EIF2B5: variants seen among roughly 807,000 people sequenced by gnomAD.
EIF2B5 encodes the protein eukaryotic translation initiation factor 2B subunit epsilon, also known as translation initiation factor eIF2B subunit epsilon.
EIF2B5 carries 38 observed loss-of-function variants against 87.3 expected under a neutral mutation model. The observed-to-expected ratio is 0.44, with a 90% CI of 0.34 to 0.57. EIF2B5 has a LOEUF of 0.57. Ranked by LOEUF, EIF2B5 falls within the 20% of genes least tolerant of loss-of-function variation. The pLI, the probability that EIF2B5 is intolerant of heterozygous loss-of-function variation, is 0.02. For synonymous variants in EIF2B5, 313 were observed against 339.6 expected (o/e 0.92, Z 0.86); for missense variants, 784 against 909.5 (o/e 0.86, Z 1.78).
Position 184,144,094 on chromosome 3 carries a change from C to A in EIF2B5, c.1870-5C>A, listed in dbSNP as rs144864475. On this transcript the variant is annotated splice_region_variant and splice_polypyrimidine_tract_variant and intron_variant, in intron 13 of 15. Transcript: ENST00000648915. ...TATACTGCAGCTCCCTTCTTTCTTC[C>A]ATAGCTGCTAAAGGCCTGGAGCCCT... 1.7e-4 allele frequency: 273 copies of A among 1,614,212 alleles called. No individual in the cohort carries two copies. The African/African-American group carries it at 3.4e-3, about 20-fold the overall frequency.
At chr3:184,139,022 T>A (rs1449843404) in intron 5 of EIF2B5, 1 of 204,432 alleles carries the variant, frequency 4.9e-6, no homozygotes, top group Non-Finnish European at 1.0e-5. Flanking sequence ...CAGGCTGGAG[T>A]GCAGTGGCAT....
At chr3:184,140,924 T>C (rs1713607276) in intron 7 of EIF2B5, 194 bp downstream of exon 7, 1 of 647,054 alleles carries the variant, frequency 1.5e-6, no homozygotes, top group South Asian at 1.9e-5. Context: ...TGTGGGCCTC[T>C]CATTGGATGA....
chr3:184,145,075 A>ACTACAGTAT lies in EIF2B5; in HGVS notation c.*133_*141dup. The ACTACAGTAT allele has an allele frequency of 3.6e-6, 3 of 825,852 alleles. No homozygotes were observed. The highest frequency in any genetic ancestry group is 6.1e-6 in the Non-Finnish European group (3 of 495,046). 51.2% of individuals were successfully genotyped at this position (825,852 alleles called of 1,614,324 possible). On this transcript the variant is annotated 3_prime_UTR_variant, in exon 16 of 16. Coordinates refer to ENST00000648915, the MANE Select transcript of EIF2B5 (RefSeq NM_003907.3). This position sits in a 1 kb window ranked among gnomAD's most constrained non-coding sequence, Gnocchi z 4.0. ...GAGACTGAAAGGAGCAGAGGCTGGA[A>ACTACAGTAT]CTACAGTATTCTTTCCCCTGCTAGC...
In EIF2B5 at chr3:184,143,553, C is replaced by G. The variant is rs1258086974; in HGVS notation, c.1857C>G (p.Ala619=). 1 of 1,614,188 alleles carries G rather than the reference C, an allele frequency of 6.2e-7. No homozygotes were observed. Among genetic ancestry groups the G allele is most frequent in the East Asian group, 2.2e-5 (1 of 44,884 alleles). ...CGCTTGACTCAAGCCGCTACTGTGC[C>G]CTGCTGCTTCCTGTGAGCAAAGATT... ...DSPLDSSRYC[A]LLLPLLKAWS... is the part of the protein sequence containing the mutation. Residue 619 remains alanine (A), a synonymous_variant, in exon 13 of 16, where the codon GCC becomes GCG. Coordinates refer to ENST00000648915, the MANE Select transcript of EIF2B5 (RefSeq NM_003907.3).
rs199920839 is a variant in EIF2B5 at position 184,137,906 on chromosome 3, G to A, written c.515G>A (p.Arg172Gln). 5.5e-5 allele frequency: 88 copies of A among 1,614,110 alleles called. No homozygotes were observed. Among genetic ancestry groups the A allele is most frequent in the Non-Finnish European group, 6.7e-5 (79 of 1,180,028 alleles). The change falls in exon 4 of 16, where the codon CGG becomes CAG. Residue 172 changes from arginine to glutamine, a missense_variant. By Grantham distance (43) the Arg-to-Gln change is conservative. Around this residue, in one of 3 missense-constraint regions of EIF2B5, gnomAD observed 660 missense variants for 789.5 expected, o/e 0.84. Coordinates refer to ENST00000648915, the MANE Select transcript of EIF2B5 (RefSeq NM_003907.3). Reference protein sequence around the residue: ...TRALEEHRLRRKLEKNVSVMT... With the variant: ...TRALEEHRLRQKLEKNVSVMT... ...CCTCCTGTCCTTTATAGGTTGAGAC[G>A]GAAGCTAGAAAAAAATGTTTCTGTG...
In EIF2B5 at chr3:184,145,064, C is replaced by T; in HGVS notation, c.*121C>T. On this transcript the variant is annotated 3_prime_UTR_variant, in exon 16 of 16. Coordinates refer to ENST00000648915, the MANE Select transcript of EIF2B5 (RefSeq NM_003907.3). The surrounding 1 kb of genome is among the most constrained non-coding windows in gnomAD (Gnocchi z 4.0). ...CCATCCAGGCTGAGACTGAAAGGAG[C>T]AGAGGCTGGAACTACAGTATTCTTT... is the stretch of plus-strand genomic sequence containing the variant. 1.1e-6 allele frequency: 1 copy of T among 901,380 alleles called. No individual in the cohort carries two copies. The highest frequency in any genetic ancestry group is 1.4e-5 in the South Asian group (1 of 72,220). The allele number at this position is 901,380 out of a possible 1,614,324, so 55.8% of individuals were successfully genotyped here.
At position 184,142,506 on chromosome 3, in the gene EIF2B5, C is replaced by T. The variant is rs1345197891; in HGVS notation, c.1449C>T (p.Tyr483=). 33 of 1,613,972 alleles carry T rather than the reference C, an allele frequency of 2.0e-5. No individual in the cohort carries two copies. Among genetic ancestry groups the T allele is most frequent in the Non-Finnish European group, 2.5e-5 (30 of 1,180,032 alleles). The change falls in exon 10 of 16, where the codon TAC becomes TAT. Residue 483 remains tyrosine, a synonymous_variant. Coordinates refer to ENST00000648915, the MANE Select transcript of EIF2B5 (RefSeq NM_003907.3). The surrounding 1 kb of genome is among the most constrained non-coding windows in gnomAD (Gnocchi z 5.0). ...QEKDKVKMKG[Y]NPAEVGAAGK... The stretch of plus-strand genomic sequence containing the variant: ...ATAGATCATTGCCTTTTCCAGGTTA[C>T]AATCCAGCAGAAGTAGGAGCTGCTG...
rs747305325 is a variant in EIF2B5, at chr3:184,136,729, C to T, written c.313C>T (p.His105Tyr). ...CTGGAAAGCTGCTCAAATCAAAGAA[C>T]ATTTACTGTAAGGCCCTGCAACTTT... ...CCWKAAQIKEHLLKSKWCRPT... is the reference protein window; with the variant it reads ...CCWKAAQIKEYLLKSKWCRPT... Residue 105 changes from histidine to tyrosine, a missense_variant, in exon 2 of 16, where the codon CAT (histidine) becomes TAT (tyrosine). This residue lies in a region of EIF2B5 where 660 missense variants were observed against 789.5 expected (regional missense o/e 0.84). Transcript: ENST00000648915. The T allele has an allele frequency of 1.9e-6, 3 of 1,614,162 alleles. No individual in the cohort carries two copies. The highest frequency in any genetic ancestry group is 3.3e-5 in the Admixed American group (2 of 60,018).
Position 184,137,822 on chromosome 3 carries a change from G to A in EIF2B5, c.506+17G>A. 1 of 1,614,210 alleles carries A rather than the reference G, an allele frequency of 6.2e-7. No individual in the cohort carries two copies. Among genetic ancestry groups the A allele is most frequent in the Non-Finnish European group, 8.5e-7 (1 of 1,180,050 alleles). On this transcript the variant is annotated intron_variant, in intron 3 of 15. Transcript: ENST00000648915. ...GGAACACAGGTCAGGATGGGAAAAT[G>A]ACAGGAACAAGGGTTAAAGACCAGC...
At chr3:184,138,305 T>C (rs1713457988) in intron 5 of EIF2B5, 59 bp downstream of exon 5, 5 of 1,472,866 alleles carry the variant, frequency 3.4e-6, no homozygotes, top group African/African-American at 1.4e-5. Context: ...GGGTCTGTTA[T>C]TGTCCCCTTA....
chr3:184,136,517 T>G, intron 1 of EIF2B5, 95 bp from the exon 2 acceptor site: 1 of 1,505,464 alleles, frequency 6.6e-7, no homozygotes, highest in Admixed American at 1.7e-5. Context: ...AAAATTACAC[T>G]GTTTGGAAAT....
At position 184,144,987 on chromosome 3, in the gene EIF2B5, G is replaced by A. The variant is rs776997962; in HGVS notation, c.*44G>A. 4 of 1,590,308 alleles carry A rather than the reference G, an allele frequency of 2.5e-6. No individual in the cohort carries two copies. The highest frequency in any genetic ancestry group is 3.4e-6 in the Non-Finnish European group (4 of 1,160,944). On this transcript the variant is annotated 3_prime_UTR_variant, in exon 16 of 16. Coordinates refer to ENST00000648915, the MANE Select transcript of EIF2B5 (RefSeq NM_003907.3). ...TTTGGGTGTGATTGAGTGCCCTCCT[G>A]GCTCCTGGGCTGGGACAAGTGAGGA...
At chr3:184,141,409 T>A (rs1041446984) in intron 7 of EIF2B5, among the ~76,000 whole-genome samples, 5 of 151,962 alleles carry the variant, frequency 3.3e-5, no homozygotes, top group African/African-American at 1.2e-4. Context: ...TCTCCACAAA[T>A]GATACAAAAA....
rs1408271015 is a variant in EIF2B5, at chr3:184,142,213, G to T, written c.1303-24G>T. The T allele has an allele frequency of 2.5e-6, 4 of 1,614,056 alleles. No homozygotes were observed. Among genetic ancestry groups the T allele is most frequent in the East Asian group, 2.2e-5 (1 of 44,888 alleles). The stretch of plus-strand genomic sequence containing the variant: ...TGCACTTTTCCTCCACACCCTAATG[G>T]TTCTGTGTTTTTTTTCCCCTTAGGT... On this transcript the variant is annotated intron_variant, in intron 8 of 15. Transcript: ENST00000648915. This position sits in a 1 kb window ranked among gnomAD's most constrained non-coding sequence, Gnocchi z 5.0.
At position 184,141,993 on chromosome 3, in the gene EIF2B5, C is replaced by G. The variant is rs1446149838; in HGVS notation, c.1225C>G (p.His409Asp). The change falls in exon 8 of 16, where the codon CAT becomes GAT. Residue 409 changes from histidine (H) to aspartate (D), a missense_variant. Coordinates refer to ENST00000648915, the MANE Select transcript of EIF2B5 (RefSeq NM_003907.3). ...TCGAGTGGCGGCTGGAGCACAGATC[C>G]ATCAGTCTCTGCTTTGTGACAATGC... ...GVRVAAGAQI[H>D]QSLLCDNAEV... is the part of the protein sequence containing the mutation. 1 of 1,613,998 alleles carries G rather than the reference C, an allele frequency of 6.2e-7. No individual in the cohort carries two copies. The highest frequency in any genetic ancestry group is 8.5e-7 in the Non-Finnish European group (1 of 1,180,032).
chr3:184,140,499 G>C lies in EIF2B5; in HGVS notation c.925G>C (p.Val309Leu), dbSNP rs113994061. 3.7e-6 allele frequency: 6 copies of C among 1,614,012 alleles called. No individual in the cohort carries two copies. Among genetic ancestry groups the C allele is most frequent in the Non-Finnish European group, 5.1e-6 (6 of 1,180,038 alleles). The change falls in exon 7 of 16, where the codon GTC becomes CTC. Residue 309 changes from valine (V) to leucine (L), a missense_variant. By Grantham distance (32) the Val-to-Leu change is conservative (BLOSUM62 1). This residue lies in a region of EIF2B5 where 660 missense variants were observed against 789.5 expected (regional missense o/e 0.84). Transcript: ENST00000648915. ...CTCCAACCTACACATGTACTCAGCT[G>C]TCTGTGCTGACGTCATCCGCCGATG... is the stretch of plus-strand genomic sequence containing the variant. ...RVSNLHMYSA[V>L]CADVIRRWVY...
rs530087312 is a variant in EIF2B5, at chr3:184,143,550, T to C, written c.1854T>C (p.Cys618=). 1.2e-6 allele frequency: 2 copies of C among 1,614,192 alleles called. No individual in the cohort carries two copies. Among genetic ancestry groups the C allele is most frequent in the South Asian group, 2.2e-5 (2 of 91,086 alleles). ...MDSPLDSSRY[C]ALLLPLLKAW... Reference sequence around the variant, plus strand: ...CCCCGCTTGACTCAAGCCGCTACTGTGCCCTGCTGCTTCCTGTGAGCAAAG... The same window carrying C: ...CCCCGCTTGACTCAAGCCGCTACTGCGCCCTGCTGCTTCCTGTGAGCAAAG... Residue 618 remains cysteine, a synonymous_variant, in exon 13 of 16, where the codon TGT becomes TGC. Transcript: ENST00000648915.
chr3:184,135,381 AGAAGAT>A lies in EIF2B5; in HGVS notation c.-3_3del. On this transcript the variant is annotated start_lost and 5_prime_UTR_variant, in exon 1 of 16. Coordinates refer to ENST00000648915, the MANE Select transcript of EIF2B5 (RefSeq NM_003907.3). Reference sequence around the variant, plus strand: ...TTGCGGAAGTGGTGACCGTGAGAGAAGAAGATGGCGGCCCCTGTAGTGGCGCCGCCT... The same window carrying A: ...TTGCGGAAGTGGTGACCGTGAGAGAAGGCGGCCCCTGTAGTGGCGCCGCCT... 1 of 1,575,520 alleles carries A rather than the reference AGAAGAT, an allele frequency of 6.3e-7. No homozygotes were observed. Among genetic ancestry groups the A allele is most frequent in the Non-Finnish European group, 8.6e-7 (1 of 1,161,656 alleles).
chr3:184,143,921 C>T, intron 13 of EIF2B5, 178 bp from the exon 14 acceptor site: 1 of 987,646 alleles, frequency 1.0e-6, no homozygotes, highest in Non-Finnish European at 1.6e-6. Context: ...TTCACCTTCC[C>T]TAAGGAATCT....
Sources: allele counts gnomAD v4.1 joint callset (sites outside exome capture counted in the v4.1 genomes callset), GRCh38; gene constraint gnomAD v4.1.1; regional missense constraint gnomAD v4.1.1; non-coding constraint Gnocchi (gnomAD v3.1); transcripts MANE v1.5; gene names NCBI Gene and HGNC (gene_info 2026-07-23, HGNC 2026-07-21).